CYLC2: variants seen among roughly 807,000 people sequenced by gnomAD.
The protein encoded by CYLC2 is cylicin-2.
In CYLC2, 30 loss-of-function variants were observed where a neutral mutation model predicts 26.1. The observed-to-expected ratio is 1.15, with a 90% CI of 0.86 to 1.56. The LOEUF (loss-of-function observed/expected upper bound fraction) is 1.56, where lower values mean the gene tolerates loss of function less well. Ranked by LOEUF, CYLC2 falls within the 40% of genes most tolerant of loss-of-function variation. CYLC2 has a pLI of 0.00. For missense variants in CYLC2, 498 were observed against 394.4 expected (o/e 1.26, Z -2.23); for synonymous variants, 158 against 132.8 (o/e 1.19, Z -1.31).
At chr9:103,011,419 C>G (rs1012065129) in intron 5 of CYLC2, among the ~76,000 whole-genome samples, 3 of 151,990 alleles carry the variant, frequency 2.0e-5, no homozygotes, top group African/African-American at 7.2e-5. Context: ...GGCTAAGTAA[C>G]TTACTGAATT....
At chr9:103,016,026 T>A (rs1054330036) in intron 6 of CYLC2, among the ~76,000 whole-genome samples, 1 of 151,210 alleles carries the variant, frequency 6.6e-6, no homozygotes, top group Non-Finnish European at 1.5e-5. Context: ...TCTATATGGA[T>A]TTTGATAGAT....
intron 3 of CYLC2, among the ~76,000 whole-genome samples, 161 bp from the exon 4 acceptor site, chr9:103,004,534 C>A (rs769740856): frequency 1.6e-4 from 25 of 151,870 alleles, no homozygotes; most frequent in Non-Finnish European, 3.1e-4. Flanking sequence ...AAAAGGATGA[C>A]AATAAAAAAG....
At chr9:102,995,815 G>A (rs899585411) in intron 1 of CYLC2, among the ~76,000 whole-genome samples, 1 of 151,886 alleles carries the variant, frequency 6.6e-6, no homozygotes, top group Non-Finnish European at 1.5e-5. Context: ...ATATCGCAGT[G>A]TTAACCTTTA....
intron 6 of CYLC2, 136 bp from the exon 7 acceptor site, chr9:103,016,752 C>A (rs377109227): frequency 6.8e-4 from 103 of 152,010 alleles, no homozygotes; most frequent in African/African-American, 2.2e-3. Context: ...GGTATTTTGT[C>A]TTAGGTAAAG....
intron 2 of CYLC2, among the ~76,000 whole-genome samples, chr9:103,002,538 G>C (rs1221158374): frequency 6.6e-6 from 1 of 151,644 alleles, no homozygotes; most frequent in Non-Finnish European, 1.5e-5. Context: ...GTTTTTAGTA[G>C]AGACGGGGTT....
chr9:103,004,088 T>C (rs1332426636), intron 3 of CYLC2, among the ~76,000 whole-genome samples: 3 of 152,270 alleles, frequency 2.0e-5, no homozygotes, highest in Non-Finnish European at 4.4e-5. Context: ...TTCAGTTTTG[T>C]ACATATTTAA....
At chr9:102,995,542 A>G (rs1047290665) in intron 1 of CYLC2, 145 bp downstream of exon 1, 3 of 630,498 alleles carry the variant, frequency 4.8e-6, no homozygotes, top group Admixed American at 3.0e-5. Flanking sequence ...AAGATTCTCA[A>G]GCAACATAAT....
At chr9:103,004,876 A>C in intron 4 of CYLC2, 25 bp downstream of exon 4, 1 of 1,595,314 alleles carries the variant, frequency 6.3e-7, no homozygotes, top group Non-Finnish European at 8.5e-7. Flanking sequence ...CTGTTTTTAT[A>C]GTATCTCTGT....
intron 5 of CYLC2, among the ~76,000 whole-genome samples, chr9:103,010,008 T>C (rs1829390896): frequency 6.6e-6 from 1 of 151,404 alleles, no homozygotes; most frequent in African/African-American, 2.4e-5. Flanking sequence ...TATATATATA[T>C]ATACATGTCA....
rs559193821 is a variant in CYLC2, at chr9:103,011,221, G to A, written c.*701-761G>A. Among the ~76,000 whole-genome samples, 4 of 152,048 alleles carry A rather than the reference G, an allele frequency of 2.6e-5. No homozygotes were observed. In the South Asian group the frequency reaches 8.3e-4, roughly 32 times the overall value. On this transcript the variant is annotated intron_variant, in intron 5 of 7. Coordinates refer to ENST00000374798, the MANE Select transcript of CYLC2 (RefSeq NM_001340.5). ...TCATTTATTATTTTTGCACCAAAAG[G>A]ACAATGTGCATTGTTCTCCATTCTT...
At chr9:103,001,310 A>T (rs183501684) in intron 1 of CYLC2, among the ~76,000 whole-genome samples, 1 of 151,568 alleles carries the variant, frequency 6.6e-6, no homozygotes, top group East Asian at 2.0e-4. Flanking sequence ...AACAAATTGC[A>T]CATCTGAAAA....
intron 6 of CYLC2, among the ~76,000 whole-genome samples, chr9:103,015,880 G>A (rs1273319402): frequency 6.7e-6 from 1 of 149,974 alleles, no homozygotes; most frequent in East Asian, 1.9e-4. Context: ...AGATAAGATG[G>A]AAAGACAGAA....
At chr9:102,997,217 G>C (rs1030386432) in intron 1 of CYLC2, among the ~76,000 whole-genome samples, 4 of 151,790 alleles carry the variant, frequency 2.6e-5, no homozygotes, top group Non-Finnish European at 5.9e-5. Flanking sequence ...GGGGGTAGGG[G>C]AGATCCAGCA....
intron 1 of CYLC2, among the ~76,000 whole-genome samples, chr9:102,997,572 A>G (rs1829250289): frequency 6.6e-6 from 1 of 151,960 alleles, no homozygotes; most frequent in Non-Finnish European, 1.5e-5. Context: ...AAAACTTTCT[A>G]CCATGTCTTT....
At chr9:103,015,972 GTATA>G (rs1564101902) in intron 6 of CYLC2, among the ~76,000 whole-genome samples, 2 of 149,868 alleles carry the variant, frequency 1.3e-5, no homozygotes, top group African/African-American at 2.4e-5. Context: ...TAATATGTAA[GTATA>G]TATACATACA....
chr9:103,001,556 C>T lies in CYLC2; in HGVS notation c.18-22C>T, dbSNP rs746311170. 4 of 1,462,660 alleles carry T rather than the reference C, an allele frequency of 2.7e-6. No homozygotes were observed. In the East Asian group the frequency reaches 9.2e-5, roughly 34 times the overall value. The allele number at this position is 1,462,660 out of a possible 1,614,324, so 90.6% of individuals were successfully genotyped here. A position where few individuals can be genotyped will look rare whatever the true frequency, so the allele number is the denominator to read the frequency against. On this transcript the variant is annotated intron_variant, in intron 1 of 7. Coordinates refer to ENST00000374798, the MANE Select transcript of CYLC2 (RefSeq NM_001340.5). ...TGATTTTTATATAAATTAACTAAAA[C>T]CTTTCTTTTTTGTTTTAATAGCCAA...
intron 6 of CYLC2, among the ~76,000 whole-genome samples, chr9:103,014,115 A>T (rs1400302947): frequency 6.6e-5 from 8 of 120,672 alleles, no homozygotes; most frequent in African/African-American, 2.7e-4. Flanking sequence ...TAATAAATAT[A>T]TTTTATATTA....
At chr9:102,995,864 G>A (rs1009176538) in intron 1 of CYLC2, among the ~76,000 whole-genome samples, 5 of 151,780 alleles carry the variant, frequency 3.3e-5, no homozygotes, top group Admixed American at 1.3e-4. Context: ...GTGACCAACT[G>A]AATACTAGTG....
intron 6 of CYLC2, among the ~76,000 whole-genome samples, chr9:103,013,177 T>TTTAATATATTATATAAATATATAC (rs1483371969): frequency 1.5e-5 from 2 of 132,036 alleles, no homozygotes; most frequent in Non-Finnish European, 3.1e-5. Context: ...TAAATATATA[T>TTTAATATATTATATAAATATATAC]TTAATATATT....
Sources: gnomAD v4.1 joint callset for allele counts (sites outside exome capture counted in the v4.1 genomes callset) on GRCh38, gnomAD v4.1.1 for gene constraint, MANE v1.5 for transcripts, NCBI Gene and HGNC (gene_info 2026-07-23, HGNC 2026-07-21) for gene names.